Variants in TEC observed in about 807,000 individuals in gnomAD.
TEC encodes the protein tec protein tyrosine kinase.
In TEC, 72 loss-of-function variants were observed where a neutral mutation model predicts 93.0. That is an observed-to-expected ratio of 0.77 (90% confidence interval 0.64 to 0.94). The LOEUF (loss-of-function observed/expected upper bound fraction) is 0.94, where lower values mean the gene tolerates loss of function less well. TEC is among the 40% of genes least tolerant of loss of function. TEC has a pLI of 0.00. For missense variants in TEC, 630 were observed against 757.9 expected (o/e 0.83, Z 1.98); for synonymous variants, 249 against 247.7 (o/e 1.01, Z -0.05).
In TEC at chr4:48,150,860, C is replaced by A; in HGVS notation, c.872+3G>T. The stretch of plus-strand genomic sequence containing the variant: ...TATAAAAAAAAATGGCAGGATTACT[C>A]ACCCTCCAAACTTGGTATAAAGGGA... On this transcript the variant is annotated splice_donor_region_variant and intron_variant, in intron 10 of 17. Transcript: ENST00000381501. 1 of 1,514,646 alleles carries A rather than the reference C, an allele frequency of 6.6e-7. No individual in the cohort carries two copies. The highest frequency in any genetic ancestry group is 8.8e-7 in the Non-Finnish European group (1 of 1,133,734). The allele number at this position is 1,514,646 out of a possible 1,614,324, so 93.8% of individuals were successfully genotyped here.
chr4:48,255,792 GATCA>G (rs1458168475), intron 1 of TEC, among the ~76,000 whole-genome samples: 3 of 152,122 alleles, frequency 2.0e-5, no homozygotes, highest in Non-Finnish European at 4.4e-5. Flanking sequence ...CAAAGTAAGT[GATCA>G]ATCAATGGCA....
chr4:48,166,148 G>A (rs1012473337), intron 7 of TEC, among the ~76,000 whole-genome samples: 4 of 152,176 alleles, frequency 2.6e-5, no homozygotes, highest in African/African-American at 9.7e-5. Flanking sequence ...GGTAGCTTTT[G>A]CAAGCCACGC....
chr4:48,254,841 G>T (rs1560426692), intron 1 of TEC, among the ~76,000 whole-genome samples: 3 of 152,186 alleles, frequency 2.0e-5, no homozygotes. Context: ...GTGAGGAGGT[G>T]TTGGGTGTGG....
chr4:48,262,201 C>CTTTTTTTTTTTTTTTTTTTTTTTTTTT (rs10659576), intron 1 of TEC, among the ~76,000 whole-genome samples: 1 of 80,208 alleles, frequency 1.2e-5, no homozygotes, highest in Non-Finnish European at 2.4e-5. Context: ...CCAAATGTCT[C>CTTTTTTTTTTTTTTTTTTTTTTTTTTT]TTTTTTTTTT....
intron 8 of TEC, among the ~76,000 whole-genome samples, chr4:48,162,691 T>C (rs1370401248): frequency 6.6e-6 from 1 of 152,228 alleles, no homozygotes; most frequent in Non-Finnish European, 1.5e-5. Context: ...CTTTTTGAAC[T>C]TGTTAACCCT....
intron 2 of TEC, among the ~76,000 whole-genome samples, chr4:48,205,473 G>A (rs556915250): frequency 6.4e-4 from 97 of 152,278 alleles, no homozygotes; most frequent in African/African-American, 2.3e-3. Flanking sequence ...ACTCCCAGTT[G>A]CTAAATATAT....
intron 14 of TEC, among the ~76,000 whole-genome samples, chr4:48,142,524 GTATAT>G (rs1719722122): frequency 6.6e-6 from 1 of 152,048 alleles, no homozygotes; most frequent in Admixed American, 6.5e-5. Context: ...TATGTTCCCA[GTATAT>G]TATAACATGA....
At chr4:48,144,812 G>C (rs1028341185) in intron 14 of TEC, among the ~76,000 whole-genome samples, 14 of 152,192 alleles carry the variant, frequency 9.2e-5, no homozygotes, top group East Asian at 5.8e-4. Flanking sequence ...AGAATCCACT[G>C]TGAGTAGCTA....
chr4:48,254,978 G>T (rs1303805447), intron 1 of TEC, among the ~76,000 whole-genome samples: 2 of 152,178 alleles, frequency 1.3e-5, no homozygotes, highest in Admixed American at 6.5e-5. Context: ...AAAAAGTAGT[G>T]GATGACCAAG....
chr4:48,168,873 T>C (rs1720986302), intron 5 of TEC, among the ~76,000 whole-genome samples: 1 of 152,224 alleles, frequency 6.6e-6, no homozygotes, highest in African/African-American at 2.4e-5. Context: ...GCCAGGCCAG[T>C]TCTTTGTATT....
intron 2 of TEC, among the ~76,000 whole-genome samples, chr4:48,196,042 G>T (rs1001628305): frequency 6.6e-6 from 1 of 152,182 alleles, no homozygotes; most frequent in Non-Finnish European, 1.5e-5. Context: ...TAGCACCTAT[G>T]CAGCAACCAG....
intron 7 of TEC, 60 bp downstream of exon 7, chr4:48,167,718 C>A: frequency 2.0e-6 from 3 of 1,509,034 alleles, no homozygotes; most frequent in South Asian, 1.2e-5. Flanking sequence ...ATCTACTTCT[C>A]ACTCAACACT....
At chr4:48,173,661 A>G (rs1560389634) in intron 3 of TEC, among the ~76,000 whole-genome samples, 1 of 152,170 alleles carries the variant, frequency 6.6e-6, no homozygotes, top group African/African-American at 2.4e-5. Context: ...AACACTACCC[A>G]CTGGTAGTTA....
intron 10 of TEC, among the ~76,000 whole-genome samples, chr4:48,150,268 T>C (rs987051623): frequency 3.9e-5 from 6 of 152,148 alleles, no homozygotes; most frequent in Non-Finnish European, 8.8e-5. Flanking sequence ...TACAACATAC[T>C]TTTCAGTGCC....
intron 1 of TEC, among the ~76,000 whole-genome samples, chr4:48,245,193 T>C (rs1426466233): frequency 2.6e-5 from 4 of 151,410 alleles, no homozygotes; most frequent in Non-Finnish European, 2.9e-5. Flanking sequence ...CTCAGGAGGC[T>C]GAGGCAGGAG....
At chr4:48,211,671 T>A (rs1388122783) in intron 2 of TEC, among the ~76,000 whole-genome samples, 2 of 152,218 alleles carry the variant, frequency 1.3e-5, no homozygotes, top group Non-Finnish European at 2.9e-5. Context: ...AATAAATTCA[T>A]CTTTGAGTCA....
At chr4:48,195,368 T>C (rs947498983) in intron 2 of TEC, among the ~76,000 whole-genome samples, 5 of 152,086 alleles carry the variant, frequency 3.3e-5, no homozygotes, top group African/African-American at 1.2e-4. Context: ...TTTTTGAGAA[T>C]AGAAAAAGAG....
intron 1 of TEC, among the ~76,000 whole-genome samples, chr4:48,237,223 G>A (rs1282369225): frequency 6.6e-6 from 1 of 151,624 alleles, no homozygotes; most frequent in Non-Finnish European, 1.5e-5. Context: ...GGGAGGCTAA[G>A]GCATGCAAAT....
At chr4:48,142,903 C>T (rs1046985021) in intron 14 of TEC, among the ~76,000 whole-genome samples, 25 of 151,912 alleles carry the variant, frequency 1.6e-4, no homozygotes, top group Non-Finnish European at 3.4e-4. Flanking sequence ...AGGATGGTCT[C>T]GATCTCTTGA....
Sources: allele counts gnomAD v4.1 joint callset (sites outside exome capture counted in the v4.1 genomes callset), GRCh38; gene constraint gnomAD v4.1.1; transcripts MANE v1.5; gene names NCBI Gene and HGNC (gene_info 2026-07-23, HGNC 2026-07-21).